The following VAMP5 variants were observed in gnomAD, a reference collection of about 807,000 sequenced individuals.
VAMP5 encodes vesicle associated membrane protein 5, also known as vesicle-associated membrane protein 5.
Under a neutral mutation model 8.1 loss-of-function variants are expected in VAMP5, and 10 were observed. That is an observed-to-expected ratio of 1.23 (90% confidence interval 0.76 to 2.09). The LOEUF is 2.09. VAMP5 is among the 30% of genes most tolerant of loss of function. VAMP5 has a pLI of 0.00. For missense variants in VAMP5, 135 were observed against 152.5 expected, an observed-to-expected ratio of 0.89 and a Z score of 0.60; for synonymous variants, 62 against 60.6, an observed-to-expected ratio of 1.02 and a Z score of -0.11.
At chr2:85,591,603 A>G (rs1672538083) in intron 1 of VAMP5, 122 bp from the exon 2 acceptor site, 1 of 1,438,422 alleles carries the variant, frequency 7.0e-7, no homozygotes, top group Non-Finnish European at 9.5e-7. Context: ...CCTTACACGA[A>G]GGATGCTGTT....
rs1025884843 is a variant in VAMP5, at chr2:85,591,558, C to T, written c.4-167C>T. 46 of 1,050,086 alleles carry T rather than the reference C, an allele frequency of 4.4e-5. No individual in the cohort carries two copies. In the African/African-American group the frequency reaches 6.6e-4, roughly 15 times the overall value. 65.0% of individuals were successfully genotyped at this position (1,050,086 alleles called of 1,614,324 possible). ...AGACTTAAGGTGTGCCGCACTCACC[C>T]CGAAGGCCAGACCTTCACTCCGCAC... On this transcript the variant is annotated intron_variant, in intron 1 of 2. Transcript: ENST00000306384.
At chr2:85,587,665 G>A (rs958075662) in intron 1 of VAMP5, among the ~76,000 whole-genome samples, 8 of 152,052 alleles carry the variant, frequency 5.3e-5, no homozygotes, top group African/African-American at 9.6e-5. Context: ...TGTGTCAGGC[G>A]TTGTGCTAAG....
intron 1 of VAMP5, among the ~76,000 whole-genome samples, chr2:85,589,367 C>T (rs1424523525): frequency 2.6e-5 from 4 of 152,134 alleles, no homozygotes; most frequent in African/African-American, 9.7e-5. Flanking sequence ...CCTCTGTGTT[C>T]CCTGGAGCGA....
intron 1 of VAMP5, among the ~76,000 whole-genome samples, chr2:85,584,948 C>G (rs1672444253): frequency 6.6e-6 from 1 of 152,196 alleles, no homozygotes; most frequent in Non-Finnish European, 1.5e-5. Context: ...CACTCAGAAC[C>G]CACTGCTAAG....
Position 85,591,844 on chromosome 2 carries a change from A to C in VAMP5, c.123A>C (p.Ser41=). The C allele has an allele frequency of 6.2e-7, 1 of 1,614,204 alleles. No individual in the cohort carries two copies. Among genetic ancestry groups the C allele is most frequent in the Non-Finnish European group, 8.5e-7 (1 of 1,180,044 alleles). The change falls in exon 2 of 3, where the codon TCA becomes TCC. Residue 41 remains serine (S), a synonymous_variant. Coordinates refer to ENST00000306384, the MANE Select transcript of VAMP5 (RefSeq NM_006634.3). ...GVKLAELQQR[S]DQLLDMSSTF... ...AGCTGGCCGAACTGCAGCAGCGTTC[A>C]GACCAACTCCTGGATATGGTGTGAG...
chr2:85,586,696 T>A (rs1015886027), intron 1 of VAMP5, among the ~76,000 whole-genome samples: 20 of 152,130 alleles, frequency 1.3e-4, no homozygotes, highest in African/African-American at 4.8e-4. Context: ...AGTGCCTACC[T>A]CAGAGTATGT....
Position 85,593,224 on chromosome 2 carries a change from G to C in VAMP5, c.*67G>C, listed in dbSNP as rs978772334. ...CGATTCTGGTCTCCAGAGGACCTTG[G>C]TGTTTGCTCTCCCTTGACCCACCCC... On this transcript the variant is annotated 3_prime_UTR_variant, in exon 3 of 3. Coordinates refer to ENST00000306384, the MANE Select transcript of VAMP5 (RefSeq NM_006634.3). The C allele has an allele frequency of 5.8e-6, 9 of 1,564,916 alleles. No homozygotes were observed. Among genetic ancestry groups the C allele is most frequent in the Admixed American group, 1.8e-5 (1 of 57,086 alleles).
chr2:85,584,958 G>C (rs576158552), intron 1 of VAMP5, among the ~76,000 whole-genome samples: 11 of 152,342 alleles, frequency 7.2e-5, no homozygotes, highest in African/African-American at 2.6e-4. Context: ...CCACTGCTAA[G>C]AAGTGGTAGG....
Position 85,593,134 on chromosome 2 carries a change from A to G in VAMP5, c.328A>G (p.Ile110Val), listed in dbSNP as rs765086840. The G allele has an allele frequency of 3.7e-6, 6 of 1,614,086 alleles. No individual in the cohort carries two copies. The Admixed American group carries it at 1.0e-4, about 27-fold the overall frequency. ...TGCCCCACGGACCCAGGATGCAGGC[A>G]TTGCCTCAGGGCCTGGGAACTGACC... is the stretch of plus-strand genomic sequence containing the variant. ...SSAPRTQDAG[I>V]ASGPGN The change falls in exon 3 of 3, where the codon ATT becomes GTT. Residue 110 changes from isoleucine (I) to valine (V), a missense_variant. Physicochemically the swap from Ile to Val is conservative, Grantham distance 29 (BLOSUM62 3). Transcript: ENST00000306384.
chr2:85,586,154 T>C (rs563335975), intron 1 of VAMP5, among the ~76,000 whole-genome samples: 1 of 152,346 alleles, frequency 6.6e-6, no homozygotes, highest in South Asian at 2.1e-4. Flanking sequence ...TGTACCTGCA[T>C]CTAATTTAGC....
chr2:85,589,398 G>A (rs1302979856), intron 1 of VAMP5, among the ~76,000 whole-genome samples: 3 of 152,142 alleles, frequency 2.0e-5, no homozygotes, highest in Non-Finnish European at 2.9e-5. Flanking sequence ...TTAGGCCTGG[G>A]TCCATCTTGG....
intron 1 of VAMP5, among the ~76,000 whole-genome samples, chr2:85,586,314 C>T (rs1672458686): frequency 6.6e-6 from 1 of 152,192 alleles, no homozygotes. Flanking sequence ...CAGTGGCTCA[C>T]ACCTGTAATC....
Position 85,591,808 on chromosome 2 carries a change from G to A in VAMP5, c.87G>A (p.Glu29=). The change falls in exon 2 of 3, where the codon GAG becomes GAA. Residue 29 remains glutamate (E), a synonymous_variant. Coordinates refer to ENST00000306384, the MANE Select transcript of VAMP5 (RefSeq NM_006634.3). The stretch of plus-strand genomic sequence containing the variant: ...GTAACAACTTCGGCAAGGTCCTGGA[G>A]CGTGGTGTGAAGCTGGCCGAACTGC... ...IMRNNFGKVL[E]RGVKLAELQQ... The A allele has an allele frequency of 8.1e-6, 13 of 1,614,214 alleles. No individual in the cohort carries two copies. Among genetic ancestry groups the A allele is most frequent in the Non-Finnish European group, 1.1e-5 (13 of 1,180,040 alleles).
chr2:85,587,250 T>A (rs72843867), intron 1 of VAMP5, among the ~76,000 whole-genome samples: 9,196 of 146,652 alleles, frequency 0.063, 377 homozygotes, highest in African/African-American at 0.13. Flanking sequence ...ACTGACCACC[T>A]GTATTACACA....
intron 2 of VAMP5, 125 bp downstream of exon 2, chr2:85,591,987 T>C (rs887140950): frequency 9.1e-6 from 13 of 1,432,650 alleles, no homozygotes; most frequent in Non-Finnish European, 1.1e-5. Flanking sequence ...GTGGGGCCTC[T>C]GGGTTTCCTC....
At position 85,591,807 on chromosome 2, in the gene VAMP5, A is replaced by C. The variant is rs1403426268; in HGVS notation, c.86A>C (p.Glu29Ala). 1 of 1,614,132 alleles carries C rather than the reference A, an allele frequency of 6.2e-7. No homozygotes were observed. Residue 29 changes from glutamate (E) to alanine (A), a missense_variant, in exon 2 of 3, where the codon GAG becomes GCG. Transcript: ENST00000306384. ...CGTAACAACTTCGGCAAGGTCCTGG[A>C]GCGTGGTGTGAAGCTGGCCGAACTG... is the stretch of plus-strand genomic sequence containing the variant. ...IMRNNFGKVL[E>A]RGVKLAELQQ...
chr2:85,585,569 A>G (rs1356500700), intron 1 of VAMP5, among the ~76,000 whole-genome samples: 1 of 152,176 alleles, frequency 6.6e-6, no homozygotes, highest in African/African-American at 2.4e-5. Context: ...AAGGGTGTGC[A>G]GGGCAAGGGG....
intron 1 of VAMP5, among the ~76,000 whole-genome samples, chr2:85,586,871 C>T (rs1353114057): frequency 2.0e-5 from 3 of 152,142 alleles, no homozygotes; most frequent in Non-Finnish European, 2.9e-5. Flanking sequence ...GTCAGGAGTT[C>T]GAGACCACCC....
At chr2:85,589,873 G>A (rs1435158093) in intron 1 of VAMP5, among the ~76,000 whole-genome samples, 1 of 152,148 alleles carries the variant, frequency 6.6e-6, no homozygotes, top group Non-Finnish European at 1.5e-5. Flanking sequence ...GGCCAGGCTG[G>A]TCTCGAACTC....
Sources: gnomAD v4.1 joint callset for allele counts (sites outside exome capture counted in the v4.1 genomes callset) on GRCh38, gnomAD v4.1.1 for gene constraint, MANE v1.5 for transcripts, NCBI Gene and HGNC (gene_info 2026-07-23, HGNC 2026-07-21) for gene names.